NEMP2: variants seen among roughly 807,000 people sequenced by gnomAD.
The protein encoded by NEMP2 is UPF0571 transmembrane protein.
NEMP2 carries 53 observed loss-of-function variants against 54.2 expected under a neutral mutation model. The observed-to-expected ratio is 0.98, with a 90% CI of 0.78 to 1.23. The LOEUF is 1.23. Among genes scored for constraint, NEMP2 ranks in the 50% most tolerant of loss-of-function variants. The pLI is 0.00. For synonymous variants in NEMP2, 197 were observed against 190.3 expected (o/e 1.04, Z -0.29); for missense variants, 455 against 511.3 (o/e 0.89, Z 1.06).
chr2:190,552,298 C>G, the NEMP2 span, among the ~76,000 whole-genome samples: 1 of 152,118 alleles, frequency 6.6e-6, no homozygotes, highest in African/African-American at 2.4e-5. Context: ...GTGTGGATGC[C>G]TGGTAACTAG....
chr2:190,572,652 CATT>C, the NEMP2 span, among the ~76,000 whole-genome samples: 1 of 151,572 alleles, frequency 6.6e-6, no homozygotes, highest in Non-Finnish European at 1.5e-5. Flanking sequence ...TTTTACTTAA[CATT>C]ATATCAAGAG....
At position 190,528,387 on chromosome 2, in the gene NEMP2, C is replaced by T. The variant is rs551276632; in HGVS notation, c.98-3009G>A. 3.9e-5 allele frequency among the ~76,000 whole-genome samples: 6 copies of T among 152,256 alleles called. No individual in the cohort carries two copies. In the South Asian group the frequency reaches 1.2e-3, roughly 32 times the overall value. On this transcript the variant is annotated intron_variant, in intron 1 of 8. Transcript: ENST00000409150. The surrounding 1 kb of genome is among the most constrained non-coding windows in gnomAD (Gnocchi z 4.3). Reference sequence around the variant, plus strand: ...GTCATGTTCTGCCTTTGCACAGCCTCCTCGGGGGGGTCTCTAAGCATGGCT... The same window carrying T: ...GTCATGTTCTGCCTTTGCACAGCCTTCTCGGGGGGGTCTCTAAGCATGGCT...
At chr2:190,472,755 G>A in the NEMP2 span, among the ~76,000 whole-genome samples, 8 of 152,214 alleles carry the variant, frequency 5.3e-5, no homozygotes, top group East Asian at 1.2e-3. Flanking sequence ...GATACTCCTC[G>A]AGAAGAGCAA....
the NEMP2 span, among the ~76,000 whole-genome samples, chr2:190,569,020 A>C: frequency 2.0e-5 from 3 of 152,222 alleles, no homozygotes; most frequent in Non-Finnish European, 4.4e-5. Context: ...GATAAACACC[A>C]AAAGAAACAG....
At chr2:190,561,159 CTG>C in the NEMP2 span, among the ~76,000 whole-genome samples, 2 of 152,184 alleles carry the variant, frequency 1.3e-5, no homozygotes, top group Non-Finnish European at 2.9e-5. This position sits in a 1 kb window ranked among gnomAD's most constrained non-coding sequence, Gnocchi z 5.4. Context: ...CGCTCATTCT[CTG>C]TGGCCTTCCC....
At position 190,523,694 on chromosome 2, in the gene NEMP2, C is replaced by A. The variant is rs542914611; in HGVS notation, c.213+1569G>T. On this transcript the variant is annotated intron_variant, in intron 2 of 8. Transcript: ENST00000409150. This position sits in a 1 kb window ranked among gnomAD's most constrained non-coding sequence, Gnocchi z 5.3. Reference sequence around the variant, plus strand: ...GTTTGTTAGAAAGTAAAGTAGTGCTCAAAAATGCTAGGCACATGGCAGAAG... The same window carrying A: ...GTTTGTTAGAAAGTAAAGTAGTGCTAAAAAATGCTAGGCACATGGCAGAAG... Among the ~76,000 whole-genome samples, 21 of 152,122 alleles carry A rather than the reference C, an allele frequency of 1.4e-4. No homozygotes were observed. Among genetic ancestry groups the A allele is most frequent in the African/African-American group, 5.1e-4 (21 of 41,416 alleles).
chr2:190,436,648 A>C, the NEMP2 span: 1 of 1,614,202 alleles, frequency 6.2e-7, no homozygotes, highest in Admixed American at 1.7e-5. This position sits in a 1 kb window ranked among gnomAD's most constrained non-coding sequence, Gnocchi z 5.3. Flanking sequence ...AACAAGGCTC[A>C]ATGTCTCAGA....
the NEMP2 span, chr2:190,436,676 C>T: frequency 5.0e-6 from 8 of 1,614,090 alleles, no homozygotes; most frequent in Non-Finnish European, 6.8e-6. The surrounding 1 kb of genome is among the most constrained non-coding windows in gnomAD (Gnocchi z 5.3). Context: ...ACTTTGCCAA[C>T]AGCTCCAAAC....
chr2:190,647,698 T>TTTCTTC, the NEMP2 span, among the ~76,000 whole-genome samples: 1 of 134,712 alleles, frequency 7.4e-6, no homozygotes, highest in Non-Finnish European at 1.6e-5. Flanking sequence ...TAAGTACATT[T>TTTCTTC]TTCTTCTTCT....
At chr2:190,429,994 C>G in the NEMP2 span, among the ~76,000 whole-genome samples, 1 of 151,168 alleles carries the variant, frequency 6.6e-6, no homozygotes, top group African/African-American at 2.4e-5. Flanking sequence ...TATCCCTCCC[C>G]CAGCTCCCCA....
chr2:190,560,839 G>A, the NEMP2 span, among the ~76,000 whole-genome samples: 25,397 of 152,148 alleles, frequency 0.17, 2,290 homozygotes, highest in Middle Eastern at 0.22. This position sits in a 1 kb window ranked among gnomAD's most constrained non-coding sequence, Gnocchi z 5.4. Context: ...AATGAGCTGA[G>A]CTCTGGGTAG....
At chr2:190,623,985 G>A in the NEMP2 span, among the ~76,000 whole-genome samples, 2 of 152,106 alleles carry the variant, frequency 1.3e-5, no homozygotes, top group African/African-American at 4.8e-5. Flanking sequence ...AAAACAATCT[G>A]ATTAAAGAAT....
chr2:190,607,814 T>G, the NEMP2 span: 2 of 152,172 alleles, frequency 1.3e-5, no homozygotes, highest in African/African-American at 4.8e-5. The surrounding 1 kb of genome is among the most constrained non-coding windows in gnomAD (Gnocchi z 5.2). Context: ...CAATCTATTT[T>G]TCTTTTGTTG....
At chr2:190,624,887 G>C in the NEMP2 span, 1 of 152,146 alleles carries the variant, frequency 6.6e-6, no homozygotes, top group Non-Finnish European at 1.5e-5. Context: ...TTAGGGTAAT[G>C]CAAACCAAAA....
chr2:190,532,822 TG>T (rs1691196253), intron 1 of NEMP2, among the ~76,000 whole-genome samples: 1 of 152,224 alleles, frequency 6.6e-6, no homozygotes, highest in Non-Finnish European at 1.5e-5. Context: ...ACAGTGTCAC[TG>T]GCACACTACC....
At chr2:190,612,933 C>T in the NEMP2 span, among the ~76,000 whole-genome samples, 20 of 144,066 alleles carry the variant, frequency 1.4e-4, 1 homozygote, top group Admixed American at 1.4e-3. Context: ...TTGGAAAATA[C>T]CTAAATAATG....
chr2:190,541,871 T>G, the NEMP2 span, among the ~76,000 whole-genome samples: 1 of 20,190 alleles, frequency 5.0e-5, no homozygotes, highest in Non-Finnish European at 2.6e-4. The surrounding 1 kb of genome is among the most constrained non-coding windows in gnomAD (Gnocchi z 5.2). Flanking sequence ...TGGATAGCAG[T>G]TTTTTTTTTT....
Position 190,518,607 on chromosome 2 carries a change from C to A in NEMP2, c.518+129G>T, listed in dbSNP as rs142561184. 6 of 700,964 alleles carry A rather than the reference C, an allele frequency of 8.6e-6. No individual in the cohort carries two copies. In the East Asian group the frequency reaches 1.1e-4, roughly 13 times the overall value. The allele number at this position is 700,964 out of a possible 1,614,324, so 43.4% of individuals were successfully genotyped here. A position where few individuals can be genotyped will look rare whatever the true frequency, so the allele number is the denominator to read the frequency against. Reference sequence around the variant, plus strand: ...AGGCCTTTCCAATACCATCTTCAGACCTATTGTTTGCAAAACCTAAAGTAA... The same window carrying A: ...AGGCCTTTCCAATACCATCTTCAGAACTATTGTTTGCAAAACCTAAAGTAA... On this transcript the variant is annotated intron_variant, in intron 4 of 8. Transcript: ENST00000409150.
At chr2:190,633,336 A>C in the NEMP2 span, among the ~76,000 whole-genome samples, 1 of 141,768 alleles carries the variant, frequency 7.1e-6, no homozygotes, top group Non-Finnish European at 1.5e-5. Flanking sequence ...TTTTGGAGAC[A>C]GGGTTTCGCT....
Sources: allele counts gnomAD v4.1 joint callset (sites outside exome capture counted in the v4.1 genomes callset), GRCh38; gene constraint gnomAD v4.1.1; non-coding constraint Gnocchi (gnomAD v3.1); transcripts MANE v1.5; gene names NCBI Gene and HGNC (gene_info 2026-07-23, HGNC 2026-07-21).